TEX101: variants seen among roughly 807,000 people sequenced by gnomAD.
TEX101 encodes the protein testis-expressed protein 101.
A neutral mutation model predicts 18.1 loss-of-function variants in TEX101; 10 were observed. That is an observed-to-expected ratio of 0.55 (90% CI 0.34 to 0.94). The LOEUF (loss-of-function observed/expected upper bound fraction) is 0.94, where lower values mean the gene tolerates loss of function less well. Among genes scored for constraint, TEX101 ranks in the 40% least tolerant of loss-of-function variants. The probability of loss-of-function intolerance (pLI) is 0.02; values close to 1 mark genes in which losing one functional copy is unlikely to be tolerated. For synonymous variants in TEX101, 94 were observed against 114.8 expected (o/e 0.82, Z 1.16); for missense variants, 259 against 298.9 (o/e 0.87, Z 0.98).
At chr19:43,400,068 G>A (rs1970306633), upstream of TEX101, among the ~76,000 whole-genome samples, 2 of 152,152 alleles carry the variant, frequency 1.3e-5, no homozygotes, top group Admixed American at 1.3e-4. Context: ...ACCCGCCTCA[G>A]CCTCCCAAAG....
rs763417437 is a variant in TEX101 at position 43,415,875 on chromosome 19, T to G, written c.-39-6T>G. The G allele has an allele frequency of 6.2e-7, 1 of 1,613,396 alleles. No homozygotes were observed. Among genetic ancestry groups the G allele is most frequent in the African/African-American group, 1.3e-5 (1 of 74,980 alleles). ...GTTAATTGCCTTCTCTCCATCAAAT[T>G]CACAGATCCAGACCAGCTCCTCCCA... On this transcript the variant is annotated splice_region_variant and splice_polypyrimidine_tract_variant and intron_variant, in intron 1 of 5. Coordinates refer to ENST00000598265, the MANE Select transcript of TEX101 (RefSeq NM_001130011.3).
At chr19:43,397,504 T>C (rs561787889), upstream of TEX101, among the ~76,000 whole-genome samples, 5 of 152,108 alleles carry the variant, frequency 3.3e-5, no homozygotes, top group South Asian at 2.1e-4. Flanking sequence ...TCCAGAAAAA[T>C]TGAAAACATA....
Position 43,416,198 on chromosome 19 carries a change from A to C in TEX101, c.164A>C (p.Asp55Ala), listed in dbSNP as rs1970474856. Residue 55 changes from aspartate (D) to alanine (A), a missense_variant, in exon 3 of 6, where the codon GAC (aspartate) becomes GCC (alanine). By Grantham distance (126) the Asp-to-Ala change is moderately radical. Transcript: ENST00000598265. ...ACCACAGAGGAAGTGGAGACTTGTG[A>C]CAAAGGGGCACTTTGCCAGGAAACC... ...NWTTEEVETC[D>A]KGALCQETIL... The C allele has an allele frequency of 6.2e-7, 1 of 1,612,156 alleles. No homozygotes were observed. The highest frequency in any genetic ancestry group is 8.5e-7 in the Non-Finnish European group (1 of 1,179,492).
chr19:43,416,670 C>G (rs1970483242), intron 4 of TEX101, 115 bp downstream of exon 4: 1 of 977,638 alleles, frequency 1.0e-6, no homozygotes, highest in Non-Finnish European at 1.5e-6. Context: ...CCCAAAGTAC[C>G]TCACAGTTCA....
In TEX101 at chr19:43,416,363, C is replaced by T. The variant is rs930703838; in HGVS notation, c.209-10C>T. 8.1e-6 allele frequency: 13 copies of T among 1,609,890 alleles called. No homozygotes were observed. Among genetic ancestry groups the T allele is most frequent in the Non-Finnish European group, 8.5e-6 (10 of 1,177,488 alleles). Reference sequence around the variant, plus strand: ...ACCATCCATTTCCCCTCCTTCCTGTCTCATAACAGGGACTGAGACAGCCAT... The same window carrying T: ...ACCATCCATTTCCCCTCCTTCCTGTTTCATAACAGGGACTGAGACAGCCAT... On this transcript the variant is annotated splice_polypyrimidine_tract_variant and intron_variant, in intron 3 of 5. Coordinates refer to ENST00000598265, the MANE Select transcript of TEX101 (RefSeq NM_001130011.3).
At chr19:43,409,241 T>A (rs943335204) in intron 3 of TEX101, among the ~76,000 whole-genome samples, 6 of 152,216 alleles carry the variant, frequency 3.9e-5, no homozygotes, top group African/African-American at 1.4e-4. Context: ...TGCTAACAGT[T>A]GGGTGCTTGC....
chr19:43,400,818 C>CCAT (rs750800219), upstream of TEX101, among the ~76,000 whole-genome samples: 3 of 152,090 alleles, frequency 2.0e-5, no homozygotes, highest in Non-Finnish European at 4.4e-5. Flanking sequence ...GGTTTATGTT[C>CCAT]CATCTCAGGC....
the TEX101 span, among the ~76,000 whole-genome samples, chr19:43,394,332 A>G: frequency 6.6e-6 from 1 of 150,918 alleles, no homozygotes; most frequent in South Asian, 2.1e-4. Flanking sequence ...CCTATTCAGC[A>G]TCCTACAATG....
At chr19:43,413,093 A>T (rs989082033), upstream of TEX101, among the ~76,000 whole-genome samples, 7 of 152,338 alleles carry the variant, frequency 4.6e-5, no homozygotes, top group South Asian at 4.1e-4. Flanking sequence ...TATATGAAAA[A>T]GCATTGCAAA....
upstream of TEX101, among the ~76,000 whole-genome samples, chr19:43,397,920 T>A (rs1386424182): frequency 1.0e-3 from 60 of 58,372 alleles, no homozygotes; most frequent in Non-Finnish European, 1.6e-3. Context: ...AAATATATAT[T>A]ATATATAAAT....
At chr19:43,398,286 CT>C (rs1255953258), upstream of TEX101, among the ~76,000 whole-genome samples, 2 of 127,362 alleles carry the variant, frequency 1.6e-5, no homozygotes, top group African/African-American at 3.0e-5. Context: ...TTTATATATA[CT>C]TTTTTTTGAG....
upstream of TEX101, among the ~76,000 whole-genome samples, chr19:43,410,211 AG>A (rs1156435273): frequency 6.6e-6 from 1 of 152,174 alleles, no homozygotes; most frequent in African/African-American, 2.4e-5. Flanking sequence ...GCACTCAAAA[AG>A]GGAGCTGCAC....
At chr19:43,390,629 G>A in the TEX101 span, among the ~76,000 whole-genome samples, 8 of 151,046 alleles carry the variant, frequency 5.3e-5, no homozygotes, top group Non-Finnish European at 8.9e-5. Context: ...CACCACGCCC[G>A]GCTAATTTTT....
rs755576142 is a variant in TEX101 at position 43,416,438 on chromosome 19, G to A, written c.274G>A (p.Val92Ile). 3.1e-6 allele frequency: 5 copies of A among 1,614,050 alleles called. No homozygotes were observed. The highest frequency in any genetic ancestry group is 1.1e-5 in the South Asian group (1 of 91,090). ...GGAAGGGGAGGAGGCCATAACAATT[G>A]TCCAGCACTCTTCACCTCCCGGCCT... ...IPEGEEAITI[V>I]QHSSPPGLIV... is the part of the protein sequence containing the mutation. The change falls in exon 4 of 6, where the codon GTC becomes ATC. Residue 92 changes from valine (V) to isoleucine (I), a missense_variant. By Grantham distance (29) the Val-to-Ile change is conservative (BLOSUM62 3). Transcript: ENST00000598265.
At chr19:43,409,613 TA>T (rs112990161) in intron 3 of TEX101, among the ~76,000 whole-genome samples, 493 of 132,172 alleles carry the variant, frequency 3.7e-3, no homozygotes, top group Admixed American at 4.8e-3. Context: ...GAAGTACTAG[TA>T]AAAAAAAAAA....
chr19:43,405,385 A>G (rs114735897), intron 2 of TEX101, among the ~76,000 whole-genome samples: 403 of 151,888 alleles, frequency 2.7e-3, no homozygotes, highest in African/African-American at 9.3e-3. Context: ...CCTGGCCAAC[A>G]TAGTGAATAT....
chr19:43,406,456 C>CA, exon 3 of TEX101: 1 of 768,068 alleles, frequency 1.3e-6, no homozygotes, highest in Non-Finnish European at 2.4e-6. Context: ...GGTGAAGAGA[C>CA]AGGAGAGGGG....
chr19:43,418,050 C>T, intron 5 of TEX101, 44 bp downstream of exon 5: 2 of 1,613,720 alleles, frequency 1.2e-6, no homozygotes, highest in Non-Finnish European at 1.7e-6. Context: ...GCTGGAAAAC[C>T]ATTTGAGTGG....
In TEX101 at chr19:43,418,164, A is replaced by T. The variant is rs1391728873; in HGVS notation, c.521-4A>T. 1.2e-6 allele frequency: 2 copies of T among 1,614,044 alleles called. No individual in the cohort carries two copies. Among genetic ancestry groups the T allele is most frequent in the Non-Finnish European group, 1.7e-6 (2 of 1,179,988 alleles). On this transcript the variant is annotated splice_polypyrimidine_tract_variant and splice_region_variant and intron_variant, in intron 5 of 5. Coordinates refer to ENST00000598265, the MANE Select transcript of TEX101 (RefSeq NM_001130011.3). ...GTCTCTCCCGATCCTTCCTTGTTCT[A>T]TAGGTGGCATTGAGTCGTCTGTGGA...
Sources: allele counts gnomAD v4.1 joint callset (sites outside exome capture counted in the v4.1 genomes callset), GRCh38; gene constraint gnomAD v4.1.1; transcripts MANE v1.5; gene names NCBI Gene and HGNC (gene_info 2026-07-23, HGNC 2026-07-21).